CHRM2: variants seen among roughly 807,000 people sequenced by gnomAD.
CHRM2 encodes the protein cholinergic receptor muscarinic 2.
In CHRM2, 8 loss-of-function variants were observed where a neutral mutation model predicts 25.0. The observed-to-expected ratio is 0.32, with a 90% confidence interval of 0.19 to 0.58. The LOEUF is 0.58. CHRM2 is among the 20% of genes least tolerant of loss of function. The pLI, the probability that CHRM2 is intolerant of heterozygous loss-of-function variation, is 0.88. For synonymous variants in CHRM2, 202 were observed against 205.7 expected (o/e 0.98, Z 0.15); for missense variants, 440 against 567.1 (o/e 0.78, Z 2.28).
intron 2 of CHRM2, chr7:136,871,474 T>A (rs1481200304): frequency 6.5e-6 from 1 of 152,712 alleles, no homozygotes; most frequent in Admixed American, 6.5e-5. Flanking sequence ...CGTCTCCCAA[T>A]GAGAGGGCTC....
chr7:136,884,517 GTTTTT>G (rs34808938), intron 2 of CHRM2, among the ~76,000 whole-genome samples: 1 of 143,402 alleles, frequency 7.0e-6, no homozygotes, highest in Admixed American at 6.9e-5. Context: ...TTTTTGCTTT[GTTTTT>G]TTATCAGGGG....
chr7:136,931,189 T>C (rs1799083875), intron 2 of CHRM2, among the ~76,000 whole-genome samples: 1 of 152,180 alleles, frequency 6.6e-6, no homozygotes, highest in Non-Finnish European at 1.5e-5. Context: ...AAACTATGCC[T>C]TTTTTGATAA....
At chr7:136,979,359 G>A (rs1690740664) in intron 2 of CHRM2, among the ~76,000 whole-genome samples, 1 of 152,120 alleles carries the variant, frequency 6.6e-6, no homozygotes, top group African/African-American at 2.4e-5. Context: ...TTTGTCAGAT[G>A]GATAGATTGC....
chr7:136,948,241 T>C (rs1227354335), intron 2 of CHRM2, among the ~76,000 whole-genome samples: 1 of 151,924 alleles, frequency 6.6e-6, no homozygotes, highest in Non-Finnish European at 1.5e-5. Flanking sequence ...AAGAGAAACA[T>C]TATTAACTGG....
intron 2 of CHRM2, chr7:136,914,434 C>T (rs1160135771): frequency 6.6e-6 from 1 of 151,952 alleles, no homozygotes; most frequent in Non-Finnish European, 1.5e-5. Flanking sequence ...AAGGCATTCA[C>T]ATTGGGTATC....
intron 2 of CHRM2, among the ~76,000 whole-genome samples, chr7:136,982,135 G>A (rs1802530140): frequency 6.6e-6 from 1 of 152,018 alleles, no homozygotes; most frequent in African/African-American, 2.4e-5. Context: ...CTCCTGTATT[G>A]GGTGTATATA....
intron 2 of CHRM2, among the ~76,000 whole-genome samples, chr7:136,963,081 G>A (rs1801198472): frequency 6.6e-6 from 1 of 152,162 alleles, no homozygotes; most frequent in African/African-American, 2.4e-5. Flanking sequence ...ACATGGAAGA[G>A]TGAGAGGAGA....
At chr7:136,923,491 T>C (rs1368977398) in intron 2 of CHRM2, among the ~76,000 whole-genome samples, 1 of 152,076 alleles carries the variant, frequency 6.6e-6, no homozygotes, top group Non-Finnish European at 1.5e-5. Context: ...ATTTTTTTTT[T>C]ACCCTAATTC....
intron 2 of CHRM2, among the ~76,000 whole-genome samples, chr7:136,926,547 A>C (rs1332586887): frequency 6.6e-6 from 1 of 152,220 alleles, no homozygotes; most frequent in Non-Finnish European, 1.5e-5. Flanking sequence ...CTAGGTACTC[A>C]GGTAAATAAG....
Position 137,015,639 on chromosome 7 carries a change from C to T in CHRM2, c.774C>T (p.Asn258=). Residue 258 remains asparagine, a synonymous_variant, in exon 4 of 4, where the codon AAC becomes AAT. Transcript: ENST00000680005. This position sits in a 1 kb window ranked among gnomAD's most constrained non-coding sequence, Gnocchi z 5.1. ...MPSSDDGLEH[N]KIQNGKAPRD... ...GCAGTGACGATGGCCTGGAGCACAA[C>T]AAAATCCAGAATGGCAAAGCCCCCA... 6.2e-7 allele frequency: 1 copy of T among 1,612,972 alleles called. No homozygotes were observed. Among genetic ancestry groups the T allele is most frequent in the Non-Finnish European group, 8.5e-7 (1 of 1,179,500 alleles).
intron 2 of CHRM2, among the ~76,000 whole-genome samples, chr7:136,872,377 G>T (rs1181559218): frequency 2.0e-5 from 3 of 152,182 alleles, no homozygotes; most frequent in Non-Finnish European, 2.9e-5. Context: ...AGTCCCTTTG[G>T]AGTGAGTTCC....
intron 2 of CHRM2, among the ~76,000 whole-genome samples, chr7:136,934,327 T>A (rs542111007): frequency 6.6e-6 from 1 of 152,104 alleles, no homozygotes; most frequent in African/African-American, 2.4e-5. Context: ...AACATCTATT[T>A]TCTATTTTTT....
intron 2 of CHRM2, among the ~76,000 whole-genome samples, chr7:136,883,285 G>C (rs1232635962): frequency 2.0e-5 from 3 of 152,044 alleles, no homozygotes; most frequent in Admixed American, 1.3e-4. Context: ...TCTCCCAAAG[G>C]GTACTACAGT....
chr7:136,928,110 A>G (rs1798852708), intron 2 of CHRM2, among the ~76,000 whole-genome samples: 2 of 152,234 alleles, frequency 1.3e-5, no homozygotes, highest in African/African-American at 2.4e-5. Flanking sequence ...GTATAAGAAC[A>G]TTAAAATACG....
chr7:136,893,077 GTCTC>G (rs1009245662), intron 2 of CHRM2, among the ~76,000 whole-genome samples: 2 of 151,942 alleles, frequency 1.3e-5, no homozygotes, highest in Non-Finnish European at 2.9e-5. Flanking sequence ...AAAGAGACAT[GTCTC>G]TCTCTCTTGT....
At position 137,009,700 on chromosome 7, in the gene CHRM2, G is replaced by T. The variant is rs1050749353; in HGVS notation, c.-46-5120G>T. 5.3e-5 allele frequency among the ~76,000 whole-genome samples: 8 copies of T among 152,112 alleles called. No individual in the cohort carries two copies. The South Asian group carries it at 1.2e-3, about 24-fold the overall frequency. On this transcript the variant is annotated intron_variant, in intron 3 of 3. Transcript: ENST00000680005. ...GTGCCCTTGGTTTGAATCTCAAGTA[G>T]CTTAATTATTTGATATTTAGTTCAA...
At chr7:136,904,936 G>A (rs986080487) in intron 2 of CHRM2, among the ~76,000 whole-genome samples, 1 of 151,908 alleles carries the variant, frequency 6.6e-6, no homozygotes, top group African/African-American at 2.4e-5. Context: ...TTGTAATTTA[G>A]AGTGAGTATA....
intron 2 of CHRM2, among the ~76,000 whole-genome samples, chr7:136,946,425 T>C (rs1282365674): frequency 2.0e-5 from 3 of 152,200 alleles, no homozygotes; most frequent in African/African-American, 7.2e-5. Context: ...TCAACATTTT[T>C]ACAATCTAAA....
intron 2 of CHRM2, among the ~76,000 whole-genome samples, chr7:136,972,311 C>A (rs1218942752): frequency 6.6e-6 from 1 of 152,130 alleles, no homozygotes; most frequent in Non-Finnish European, 1.5e-5. Flanking sequence ...TATCTCTGTT[C>A]ATTTTAAGGC....
Sources: gnomAD v4.1 joint callset for allele counts (sites outside exome capture counted in the v4.1 genomes callset) on GRCh38, gnomAD v4.1.1 for gene constraint, Gnocchi (gnomAD v3.1) non-coding constraint, MANE v1.5 for transcripts, NCBI Gene and HGNC (gene_info 2026-07-23, HGNC 2026-07-21) for gene names.